Variants in ANXA8 observed in about 807,000 individuals in gnomAD.
ANXA8 encodes the protein annexin A8, also known as VAC-beta.
In ANXA8, 9 loss-of-function variants were observed where a neutral mutation model predicts 26.8. The observed-to-expected ratio is 0.34, with a 90% confidence interval of 0.20 to 0.59. ANXA8 has a LOEUF of 0.59. Ranked by LOEUF, ANXA8 falls within the 20% of genes least tolerant of loss-of-function variation. The pLI is 0.84. For synonymous variants in ANXA8, 39 were observed against 94.8 expected, an observed-to-expected ratio of 0.41 and a Z score of 3.42; for missense variants, 83 against 238.5, an observed-to-expected ratio of 0.35 and a Z score of 4.29.
the ANXA8 span, among the ~76,000 whole-genome samples, chr10:47,944,588 C>G: frequency 6.6e-6 from 1 of 150,582 alleles, no homozygotes; most frequent in Admixed American, 6.6e-5. Context: ...ATCATGGGGG[C>G]AGGTCTTTCC....
At chr10:47,588,990 A>G in the ANXA8 span, 1 of 144,070 alleles carries the variant, frequency 6.9e-6, no homozygotes, top group East Asian at 1.9e-4. Context: ...ATTTTTGTAT[A>G]TTTTGTAGAG....
At chr10:47,592,823 T>TC in the ANXA8 span, among the ~76,000 whole-genome samples, 1 of 149,062 alleles carries the variant, frequency 6.7e-6, no homozygotes, top group Non-Finnish European at 1.5e-5. Flanking sequence ...TGGACACCCC[T>TC]CCCTTTGCAA....
At chr10:47,751,022 A>G in the ANXA8 span, 1 of 146,562 alleles carries the variant, frequency 6.8e-6, no homozygotes, top group Non-Finnish European at 1.5e-5. Flanking sequence ...CTTATTTGTA[A>G]TTAAAAAAAT....
At chr10:47,530,651 C>A in the ANXA8 span, among the ~76,000 whole-genome samples, 6 of 150,048 alleles carry the variant, frequency 4.0e-5, no homozygotes, top group African/African-American at 1.2e-4. Context: ...CAAGACTGTG[C>A]CACAGCACTC....
the ANXA8 span, among the ~76,000 whole-genome samples, chr10:47,676,194 T>G: frequency 1.3e-5 from 2 of 151,438 alleles, no homozygotes; most frequent in African/African-American, 4.9e-5. Context: ...TGGGATAATA[T>G]CAGATGGTCT....
At chr10:47,951,478 T>A in the ANXA8 span, among the ~76,000 whole-genome samples, 2 of 149,998 alleles carry the variant, frequency 1.3e-5, no homozygotes, top group Non-Finnish European at 1.5e-5. Context: ...AGAGAAAAGA[T>A]ACTACAAGAA....
the ANXA8 span, among the ~76,000 whole-genome samples, chr10:47,729,756 G>T: frequency 7.6e-5 from 11 of 143,806 alleles, 1 homozygote; most frequent in African/African-American, 2.2e-4. Context: ...CTGTCACTCT[G>T]GAGTGCCTCA....
chr10:47,510,439 A>G, the ANXA8 span, among the ~76,000 whole-genome samples: 1 of 140,274 alleles, frequency 7.1e-6, no homozygotes, highest in South Asian at 2.3e-4. Flanking sequence ...ACTTCCAGAG[A>G]TGATGTTTAA....
chr10:47,484,095 G>T lies in ANXA8; in HGVS notation c.-162C>A, dbSNP rs1483144088. 114 of 1,575,606 alleles carry T rather than the reference G, an allele frequency of 7.2e-5. 2 individuals carry two copies. In the African/African-American group the frequency reaches 1.4e-3, roughly 19 times the overall value. The stretch of plus-strand genomic sequence containing the variant: ...CAGGGCAGCGCCACACCTGCCTGCC[G>T]TCCCCTCGCCCCCGGGCTCTGCCTG... On this transcript the variant is annotated 5_prime_UTR_variant, in exon 1 of 12. Transcript: ENST00000585281.
chr10:47,733,168 T>TCTTC, the ANXA8 span, among the ~76,000 whole-genome samples: 54 of 101,014 alleles, frequency 5.3e-4, no homozygotes, highest in African/African-American at 1.5e-3. Context: ...TTTCTTTCTT[T>TCTTC]CTTTCTTTCT....
At chr10:47,593,786 G>C in the ANXA8 span, among the ~76,000 whole-genome samples, 1 of 146,514 alleles carries the variant, frequency 6.8e-6, no homozygotes, top group Non-Finnish European at 1.5e-5. Flanking sequence ...TTGTATTAAA[G>C]GGTGCAAAAT....
At chr10:47,595,127 G>A in the ANXA8 span, among the ~76,000 whole-genome samples, 1 of 148,184 alleles carries the variant, frequency 6.7e-6, no homozygotes, top group East Asian at 1.9e-4. Flanking sequence ...ACTCTAAAAG[G>A]AATGACATTC....
chr10:47,973,250 C>G, the ANXA8 span: 1 of 148,988 alleles, frequency 6.7e-6, no homozygotes, highest in Non-Finnish European at 1.5e-5. Flanking sequence ...CTGCAGAGGT[C>G]TTCCTGAGCA....
the ANXA8 span, among the ~76,000 whole-genome samples, chr10:47,945,969 CA>C: frequency 7.8e-6 from 1 of 127,396 alleles, no homozygotes; most frequent in Non-Finnish European, 1.6e-5. Flanking sequence ...CTTTCCTTAC[CA>C]ATGCATTTCT....
At chr10:47,650,680 G>T in the ANXA8 span, among the ~76,000 whole-genome samples, 1 of 144,210 alleles carries the variant, frequency 6.9e-6, no homozygotes, top group Non-Finnish European at 1.5e-5. Context: ...AGTGGCGGGT[G>T]CCTGTAGTCC....
At chr10:47,750,559 GCC>G in the ANXA8 span, among the ~76,000 whole-genome samples, 1 of 89,196 alleles carries the variant, frequency 1.1e-5, no homozygotes, top group Non-Finnish European at 2.3e-5. Flanking sequence ...CAATACTCCT[GCC>G]CCAGCCCTCC....
chr10:47,700,082 CTAAGT>C, the ANXA8 span, among the ~76,000 whole-genome samples: 1 of 151,876 alleles, frequency 6.6e-6, no homozygotes, highest in Non-Finnish European at 1.5e-5. Flanking sequence ...TCAGTTCTTC[CTAAGT>C]TAATATGTAA....
chr10:47,484,576 C>T (rs1839990352), upstream of ANXA8: 2 of 1,347,628 alleles, frequency 1.5e-6, no homozygotes, highest in African/African-American at 1.5e-5. Context: ...GTGATGGCCT[C>T]AGCTCCATCA....
the ANXA8 span, among the ~76,000 whole-genome samples, chr10:47,663,061 G>A: frequency 0.25 from 27,834 of 110,434 alleles, 15 homozygotes; most frequent in South Asian, 0.32. Context: ...GCGCACCTTT[G>A]GTCCCAACTA....
Sources: allele counts gnomAD v4.1 joint callset (sites outside exome capture counted in the v4.1 genomes callset), GRCh38; gene constraint gnomAD v4.1.1; transcripts MANE v1.5; gene names NCBI Gene and HGNC (gene_info 2026-07-23, HGNC 2026-07-21).